The following TRPC5 variants were observed in gnomAD, a reference collection of about 807,000 sequenced individuals.
The protein encoded by TRPC5 is short transient receptor potential channel 5.
In TRPC5, 9 loss-of-function variants were observed where a neutral mutation model predicts 56.5. That is an observed-to-expected ratio of 0.16 (90% CI 0.10 to 0.28). TRPC5 has a LOEUF of 0.28. TRPC5 is among the 10% of genes least tolerant of loss of function. The pLI, the probability that TRPC5 is intolerant of heterozygous loss-of-function variation, is 1.00. For missense variants in TRPC5, 469 were observed against 748.9 expected, an observed-to-expected ratio of 0.63 and a Z score of 4.36; for synonymous variants, 282 against 278.5, an observed-to-expected ratio of 1.01 and a Z score of -0.13.
intron 1 of TRPC5, among the ~76,000 whole-genome samples, chrX:111,965,539 C>T (rs139528545): frequency 0.017 from 1,849 of 111,700 alleles, 19 homozygotes; most frequent in Non-Finnish European, 0.022. Context: ...CAGCACCACA[C>T]CACACCTATT....
chrX:111,859,918 T>C (rs1170480931), intron 3 of TRPC5, among the ~76,000 whole-genome samples: 2 of 113,046 alleles, frequency 1.8e-5, no homozygotes, highest in Admixed American at 9.3e-5. Flanking sequence ...GTTTGTTTGT[T>C]TGTTTTTTGA....
intron 6 of TRPC5, among the ~76,000 whole-genome samples, chrX:111,842,120 T>A (rs865833113): frequency 5.0e-5 from 4 of 80,640 alleles, no homozygotes; most frequent in African/African-American, 3.5e-4. Context: ...TATATATATT[T>A]TATATATATA....
intron 9 of TRPC5, among the ~76,000 whole-genome samples, chrX:111,779,979 A>G (rs1381678592): frequency 8.9e-6 from 1 of 112,072 alleles, no homozygotes; most frequent in Admixed American, 9.5e-5. Context: ...TTATAAAAGT[A>G]ATAACATTTG....
chrX:111,935,683 C>A (rs1926551006), intron 2 of TRPC5, among the ~76,000 whole-genome samples: 1 of 112,184 alleles, frequency 8.9e-6, no homozygotes, highest in Non-Finnish European at 1.9e-5. Context: ...CACTCTTCTG[C>A]ATGTGGATAT....
At chrX:111,873,314 G>A (rs1354870230) in intron 3 of TRPC5, among the ~76,000 whole-genome samples, 1 of 111,444 alleles carries the variant, frequency 9.0e-6, no homozygotes, top group East Asian at 2.8e-4. Context: ...ACACATTAAT[G>A]TAAAGATGGG....
rs1370365354 is a variant in TRPC5 at position 111,774,900 on chromosome X, C to G, written c.*1413G>C. Reference sequence around the variant, plus strand: ...CTAGGACTCAGACCTAGAGTTGTTTCAGGTCATATGTTAGAGTCTAAACTG... The same window carrying G: ...CTAGGACTCAGACCTAGAGTTGTTTGAGGTCATATGTTAGAGTCTAAACTG... On this transcript the variant is annotated 3_prime_UTR_variant, in exon 11 of 11. Transcript: ENST00000262839. 9.1e-6 allele frequency: 1 copy of G among 110,479 alleles called. No individual in the cohort carries two copies. The highest frequency in any genetic ancestry group is 1.9e-5 in the Non-Finnish European group (1 of 52,802). The allele number at this position is 110,479 out of a possible 1,213,427, so 9.1% of individuals were successfully genotyped here.
chrX:111,935,825 C>G (rs1440514033), intron 2 of TRPC5, among the ~76,000 whole-genome samples: 1 of 111,470 alleles, frequency 9.0e-6, no homozygotes, highest in African/African-American at 3.3e-5. Context: ...TTCCACTGGT[C>G]TCTGTCTGTT....
chrX:112,048,762 C>T (rs766980563), intron 1 of TRPC5, among the ~76,000 whole-genome samples: 34 of 112,409 alleles, frequency 3.0e-4, no homozygotes, highest in African/African-American at 9.7e-4. Context: ...ATTTTTTCTC[C>T]TGTTTGCTTA....
chrX:111,850,524 C>G (rs1923055881), intron 5 of TRPC5, among the ~76,000 whole-genome samples: 2 of 111,826 alleles, frequency 1.8e-5, no homozygotes, highest in Non-Finnish European at 1.9e-5. Flanking sequence ...CCAGCCTGGA[C>G]TTCTGTGGAT....
chrX:112,019,690 C>T lies in TRPC5; in HGVS notation c.-22+62189G>A, dbSNP rs182564032. ...GACCCCGTGATCCGCCCACCTTGGC[C>T]TCCCAAAGTGCTGGGATTACAGGCG... On this transcript the variant is annotated intron_variant, in intron 1 of 10. Coordinates refer to ENST00000262839, the MANE Select transcript of TRPC5 (RefSeq NM_012471.3). Among the ~76,000 whole-genome samples the T allele has an allele frequency of 3.8e-3, 422 of 112,253 alleles. 4 individuals are homozygous for T. Among genetic ancestry groups the T allele is most frequent in the African/African-American group, 0.013 (402 of 30,954 alleles).
rs1417135946 is a variant in TRPC5, at chrX:111,772,385, T to C, written c.*3928A>G. On this transcript the variant is annotated 3_prime_UTR_variant, in exon 11 of 11. Coordinates refer to ENST00000262839, the MANE Select transcript of TRPC5 (RefSeq NM_012471.3). Reference sequence around the variant, plus strand: ...GCATTGACTATGTCTATATGAGCAATCTTTTGAAAACTTGATTACCAAGAA... The same window carrying C: ...GCATTGACTATGTCTATATGAGCAACCTTTTGAAAACTTGATTACCAAGAA... Among the ~76,000 whole-genome samples, 3 of 112,126 alleles carry C rather than the reference T, an allele frequency of 2.7e-5. No individual in the cohort carries two copies. The highest frequency in any genetic ancestry group is 5.6e-5 in the Non-Finnish European group (3 of 53,289).
chrX:111,976,008 A>G (rs1927917014), intron 1 of TRPC5, among the ~76,000 whole-genome samples: 1 of 112,845 alleles, frequency 8.9e-6, no homozygotes, highest in Non-Finnish European at 1.9e-5. Context: ...ACATATACAT[A>G]TGAAAATTAA....
intron 1 of TRPC5, among the ~76,000 whole-genome samples, chrX:112,078,171 G>C (rs1343835596): frequency 8.9e-6 from 1 of 111,949 alleles, no homozygotes; most frequent in Non-Finnish European, 1.9e-5. Context: ...GCTAGCTATA[G>C]ACACATATAA....
intron 3 of TRPC5, among the ~76,000 whole-genome samples, chrX:111,867,161 G>T (rs1271452346): frequency 1.8e-5 from 2 of 111,986 alleles, no homozygotes; most frequent in East Asian, 5.6e-4. Flanking sequence ...GGCTCTCACA[G>T]ACTGATTAAG....
In TRPC5 at chrX:112,075,806, G is replaced by A. The variant is rs1032001755; in HGVS notation, c.-22+6073C>T. Among the ~76,000 whole-genome samples, 43 of 111,742 alleles carry A rather than the reference G, an allele frequency of 3.8e-4. 1 individual carries two copies. Among genetic ancestry groups the A allele is most frequent in the African/African-American group, 1.4e-3 (43 of 30,695 alleles). On this transcript the variant is annotated intron_variant, in intron 1 of 10. Coordinates refer to ENST00000262839, the MANE Select transcript of TRPC5 (RefSeq NM_012471.3). ...TAAGGAATGTGGGTTGTCTCTAGAA[G>A]TTAGGAATGATAGCCACCAAAGAAA...
intron 1 of TRPC5, among the ~76,000 whole-genome samples, chrX:111,988,174 T>G (rs760235375): frequency 8.9e-6 from 1 of 112,082 alleles, no homozygotes; most frequent in Non-Finnish European, 1.9e-5. Context: ...GGTTTCTACC[T>G]CTAAAGCAGA....
chrX:111,811,483 G>T (rs1211728697), intron 7 of TRPC5, among the ~76,000 whole-genome samples: 3 of 112,410 alleles, frequency 2.7e-5, no homozygotes, highest in Non-Finnish European at 5.6e-5. Context: ...CCTGAAATTT[G>T]CCATGGGATA....
chrX:111,825,228 TTCTCTC>T lies in TRPC5; in HGVS notation c.1896+9687_1896+9692del, dbSNP rs56898407. The stretch of plus-strand genomic sequence containing the variant: ...CTTTCTTTCTTTCTTTCTTCTTTCT[TTCTCTC>T]TCTCTCTCTCTCTCTCTCTCTTTCT... On this transcript the variant is annotated intron_variant, in intron 7 of 10. Transcript: ENST00000262839. 9.2e-4 allele frequency among the ~76,000 whole-genome samples: 70 copies of T among 76,052 alleles called. 1 individual carries two copies. The highest frequency in any genetic ancestry group is 3.7e-3 in the African/African-American group (57 of 15,385). 66.0% of individuals were successfully genotyped at this position (76,052 alleles called of 115,157 possible).
chrX:111,902,041 C>G, intron 3 of TRPC5: 3 of 1,155,564 alleles, frequency 2.6e-6, no homozygotes, highest in Non-Finnish European at 3.4e-6. Flanking sequence ...TACCTGATCT[C>G]CCTGATCTCT....
Sources: allele counts gnomAD v4.1 joint callset (sites outside exome capture counted in the v4.1 genomes callset), GRCh38; gene constraint gnomAD v4.1.1; transcripts MANE v1.5; gene names NCBI Gene and HGNC (gene_info 2026-07-23, HGNC 2026-07-21).